LARGE1: variants seen among roughly 807,000 people sequenced by gnomAD.
The protein encoded by LARGE1 is LARGE xylosyl- and glucuronyltransferase 1.
A neutral mutation model predicts 87.6 loss-of-function variants in LARGE1; 43 were observed. The ratio of observed to expected loss-of-function variants is 0.49; its 90% CI spans 0.38 to 0.63. The LOEUF (loss-of-function observed/expected upper bound fraction) is 0.63, where lower values mean the gene tolerates loss of function less well. Ranked by LOEUF, LARGE1 falls within the 30% of genes least tolerant of loss-of-function variation. The pLI is 0.00. For missense variants in LARGE1, 802 were observed against 1,000.2 expected, an observed-to-expected ratio of 0.80 and a Z score of 2.67; for synonymous variants, 434 against 394.6, an observed-to-expected ratio of 1.10 and a Z score of -1.18.
chr22:33,853,086 C>T (rs1444692726), intron 1 of LARGE1, among the ~76,000 whole-genome samples: 1 of 151,798 alleles, frequency 6.6e-6, no homozygotes, highest in Admixed American at 6.6e-5. Context: ...AGAAATTAAT[C>T]CAAGGAGAAA....
chr22:33,566,698 A>C (rs954709888), intron 5 of LARGE1, among the ~76,000 whole-genome samples: 1 of 152,162 alleles, frequency 6.6e-6, no homozygotes, highest in African/African-American at 2.4e-5. Flanking sequence ...CTCCCTGCCC[A>C]CATCCTGCTG....
the LARGE1 span, among the ~76,000 whole-genome samples, chr22:33,147,052 C>A: frequency 6.6e-6 from 1 of 152,092 alleles, no homozygotes; most frequent in South Asian, 2.1e-4. Flanking sequence ...TGAAATTCAC[C>A]CACACTGTTG....
chr22:33,852,235 A>G lies in LARGE1; in HGVS notation c.-83+67760T>C, dbSNP rs549378791. Reference sequence around the variant, plus strand: ...TGATGGAGAAGGCTGATGTGAGCCAACGTTGAAAGGTCAGCCCTGGAGCTA... The same window carrying G: ...TGATGGAGAAGGCTGATGTGAGCCAGCGTTGAAAGGTCAGCCCTGGAGCTA... On this transcript the variant is annotated intron_variant, in intron 1 of 14. Transcript: ENST00000397394. Among the ~76,000 whole-genome samples the G allele has an allele frequency of 3.3e-5, 5 of 152,324 alleles. No individual in the cohort carries two copies. In the South Asian group the frequency reaches 1.0e-3, roughly 32 times the overall value.
the LARGE1 span, among the ~76,000 whole-genome samples, chr22:33,103,503 T>G: frequency 6.6e-6 from 1 of 150,550 alleles, no homozygotes; most frequent in Non-Finnish European, 1.5e-5. Flanking sequence ...AAATGAGCTC[T>G]TTAAAAGCAG....
chr22:33,157,889 C>T (rs1207107439), downstream of LARGE1, among the ~76,000 whole-genome samples: 1 of 152,074 alleles, frequency 6.6e-6, no homozygotes, highest in Non-Finnish European at 1.5e-5. Context: ...AAATGACTGC[C>T]AACCTAGATT....
At chr22:33,198,317 G>C (rs1021446041) in intron 11 of LARGE1, among the ~76,000 whole-genome samples, 1 of 105,842 alleles carries the variant, frequency 9.4e-6, no homozygotes, top group East Asian at 2.1e-4. Context: ...TGCAAGCTAT[G>C]ACATAAAATG....
In LARGE1 at chr22:33,727,112, G is replaced by A. The variant is rs528404605; in HGVS notation, c.106+34259C>T. The stretch of plus-strand genomic sequence containing the variant: ...AGGTCAAGGTGACAGGGGGAAGCCA[G>A]GAGGAGCTGGAAGACAGTTATGGAT... On this transcript the variant is annotated intron_variant, in intron 2 of 14. Coordinates refer to ENST00000397394, the MANE Select transcript of LARGE1 (RefSeq NM_133642.5). 1.4e-4 allele frequency among the ~76,000 whole-genome samples: 21 copies of A among 152,308 alleles called. No individual in the cohort carries two copies. In the South Asian group the frequency reaches 4.4e-3, roughly 32 times the overall value.
chr22:33,272,465 GCTGGCCTGGCACACCA>G (rs1928344752), downstream of LARGE1, among the ~76,000 whole-genome samples: 2 of 152,046 alleles, frequency 1.3e-5, no homozygotes, highest in Admixed American at 1.3e-4. Context: ...GCATGTAGAA[GCTGGCCTGGCACACCA>G]CTGAACAAAT....
chr22:33,839,779 C>T (rs2063219567), intron 1 of LARGE1, among the ~76,000 whole-genome samples: 1 of 152,162 alleles, frequency 6.6e-6, no homozygotes, highest in South Asian at 2.1e-4. Flanking sequence ...ATAAGAAAAG[C>T]GATTATTAAC....
At chr22:33,544,717 G>A (rs2077307417) in intron 6 of LARGE1, among the ~76,000 whole-genome samples, 1 of 97,608 alleles carries the variant, frequency 1.0e-5, no homozygotes, top group Non-Finnish European at 2.4e-5. Context: ...ACAACAACGA[G>A]TACCTTTCCC....
At chr22:33,660,589 G>C (rs993858587) in intron 2 of LARGE1, among the ~76,000 whole-genome samples, 4 of 152,168 alleles carry the variant, frequency 2.6e-5, no homozygotes, top group Non-Finnish European at 4.4e-5. Flanking sequence ...GGTCTCCAAT[G>C]GTTGAGTCTG....
intron 5 of LARGE1, among the ~76,000 whole-genome samples, chr22:33,580,399 G>T (rs2078481871): frequency 6.6e-6 from 1 of 151,428 alleles, no homozygotes; most frequent in African/African-American, 2.4e-5. Flanking sequence ...GCAGACACAA[G>T]GCCACCTATT....
intron 4 of LARGE1, among the ~76,000 whole-genome samples, chr22:33,624,195 T>G (rs1602780535): frequency 6.6e-6 from 1 of 152,312 alleles, no homozygotes; most frequent in African/African-American, 2.4e-5. Flanking sequence ...TCCCCCAGAC[T>G]GACTTGTCAA....
chr22:33,837,808 C>T (rs1401387730), intron 1 of LARGE1, among the ~76,000 whole-genome samples: 1 of 152,192 alleles, frequency 6.6e-6, no homozygotes, highest in East Asian at 1.9e-4. Flanking sequence ...CAGCCCCAGG[C>T]CAGCAAGATA....
At chr22:33,921,413 AG>A (rs1036715958), upstream of LARGE1, among the ~76,000 whole-genome samples, 4 of 152,162 alleles carry the variant, frequency 2.6e-5, no homozygotes, top group Admixed American at 2.0e-4. This position sits in a 1 kb window ranked among gnomAD's most constrained non-coding sequence, Gnocchi z 4.1. Context: ...CTGCCGTGGT[AG>A]AGAGGCTCGC....
intron 2 of LARGE1, among the ~76,000 whole-genome samples, chr22:33,668,395 T>C (rs1465659106): frequency 6.6e-6 from 1 of 152,198 alleles, no homozygotes; most frequent in African/African-American, 2.4e-5. Flanking sequence ...ACTTACCTTG[T>C]GATACTGTCG....
intron 11 of LARGE1, among the ~76,000 whole-genome samples, chr22:33,242,993 A>G (rs1436074671): frequency 3.3e-5 from 5 of 152,222 alleles, no homozygotes; most frequent in Admixed American, 1.3e-4. Context: ...TCCCCTTTCT[A>G]TAAGGACATC....
At chr22:33,459,696 AC>A (rs1409376996) in intron 6 of LARGE1, among the ~76,000 whole-genome samples, 1 of 149,182 alleles carries the variant, frequency 6.7e-6, no homozygotes, top group Non-Finnish European at 1.5e-5. Context: ...TCTGATATTT[AC>A]ATTACACCGC....
intron 2 of LARGE1, among the ~76,000 whole-genome samples, chr22:33,659,648 A>T (rs918028218): frequency 2.0e-5 from 3 of 151,472 alleles, no homozygotes; most frequent in African/African-American, 7.3e-5. Context: ...AATTCCCCTA[A>T]GTGATTTTCT....
Sources: allele counts gnomAD v4.1 joint callset (sites outside exome capture counted in the v4.1 genomes callset), GRCh38; gene constraint gnomAD v4.1.1; non-coding constraint Gnocchi (gnomAD v3.1); transcripts MANE v1.5; gene names NCBI Gene and HGNC (gene_info 2026-07-23, HGNC 2026-07-21).